FHIT: variants seen among roughly 807,000 people sequenced by gnomAD.
FHIT encodes the protein bis(5'-adenosyl)-triphosphatase.
In FHIT, 19 loss-of-function variants were observed where a neutral mutation model predicts 17.9. That is an observed-to-expected ratio of 1.06 (90% CI 0.74 to 1.56). The LOEUF is 1.56. FHIT is among the 40% of genes most tolerant of loss of function. The pLI, the probability that FHIT is intolerant of heterozygous loss-of-function variation, is 0.00. For missense variants in FHIT, 248 were observed against 189.2 expected (o/e 1.31, Z -1.82); for synonymous variants, 81 against 69.7 (o/e 1.16, Z -0.81).
intron 3 of FHIT, among the ~76,000 whole-genome samples, chr3:60,970,659 T>A (rs747293348): frequency 3.7e-4 from 57 of 152,186 alleles, no homozygotes; most frequent in Admixed American, 5.2e-4. Context: ...TTTCTTGACT[T>A]ATTAGAATCT....
At chr3:60,415,247 C>A (rs2107240321) in intron 5 of FHIT, among the ~76,000 whole-genome samples, 1 of 152,238 alleles carries the variant, frequency 6.6e-6, no homozygotes, top group East Asian at 1.9e-4. Context: ...AAAGTACTCC[C>A]TTTAGTTTTT....
At chr3:60,497,648 T>G (rs1482666824) in intron 5 of FHIT, among the ~76,000 whole-genome samples, 1 of 152,182 alleles carries the variant, frequency 6.6e-6, no homozygotes, top group East Asian at 1.9e-4. Flanking sequence ...GATCACAGGA[T>G]CATTTCATTA....
At chr3:60,879,002 C>A (rs937270038) in intron 3 of FHIT, among the ~76,000 whole-genome samples, 3 of 152,108 alleles carry the variant, frequency 2.0e-5, no homozygotes, top group Non-Finnish European at 2.9e-5. Context: ...TGAGTATATA[C>A]CCAGTAATGG....
Position 61,075,404 on chromosome 3 carries a change from T to C in FHIT, c.-163-33305A>G, listed in dbSNP as rs74344391. Among the ~76,000 whole-genome samples, 92 of 152,210 alleles carry C rather than the reference T, an allele frequency of 6.0e-4. 1 individual carries two copies. In the East Asian group the frequency reaches 0.015, roughly 25 times the overall value. On this transcript the variant is annotated intron_variant, in intron 2 of 9. Coordinates refer to ENST00000492590, the MANE Select transcript of FHIT (RefSeq NM_002012.4). The stretch of plus-strand genomic sequence containing the variant: ...TACTATTTCATGGCATCTACACTTA[T>C]AGGGAATTCACTCAGAAACAGCTTT...
intron 2 of FHIT, among the ~76,000 whole-genome samples, chr3:61,186,486 C>T (rs1232460628): frequency 6.6e-6 from 1 of 152,150 alleles, no homozygotes; most frequent in Non-Finnish European, 1.5e-5. Flanking sequence ...CAGGGAGTTG[C>T]ACGGGTAGCC....
intron 4 of FHIT, among the ~76,000 whole-genome samples, chr3:60,735,946 G>T (rs185566061): frequency 1.3e-5 from 2 of 152,260 alleles, no homozygotes; most frequent in East Asian, 3.9e-4. Flanking sequence ...AATAAATCTT[G>T]TTTCCTCTCA....
intron 8 of FHIT, among the ~76,000 whole-genome samples, chr3:59,864,971 G>A (rs768112628): frequency 3.3e-5 from 5 of 152,060 alleles, no homozygotes; most frequent in Non-Finnish European, 7.4e-5. Context: ...CTCATAATTA[G>A]TTGTATTACT....
At chr3:59,767,326 C>G (rs1304636277) in intron 8 of FHIT, among the ~76,000 whole-genome samples, 1 of 152,146 alleles carries the variant, frequency 6.6e-6, no homozygotes, top group Admixed American at 6.5e-5. Flanking sequence ...TGGTGACACC[C>G]TATCTCTACT....
At chr3:61,232,728 C>G (rs2040136897) in intron 1 of FHIT, among the ~76,000 whole-genome samples, 1 of 152,196 alleles carries the variant, frequency 6.6e-6, no homozygotes, top group South Asian at 2.1e-4. Context: ...ATACAGCTGC[C>G]TGCTCCTATT....
chr3:60,271,055 T>G (rs1298258116), intron 5 of FHIT, among the ~76,000 whole-genome samples: 3 of 152,160 alleles, frequency 2.0e-5, no homozygotes, highest in African/African-American at 7.2e-5. Context: ...AGTGGACTGC[T>G]GCTATTTGGG....
intron 5 of FHIT, among the ~76,000 whole-genome samples, chr3:60,119,657 C>G (rs746653020): frequency 6.6e-6 from 1 of 152,086 alleles, no homozygotes; most frequent in East Asian, 1.9e-4. Context: ...TGCTAGAAAC[C>G]TGGAAATAAA....
chr3:59,949,538 A>T (rs1021741353), intron 7 of FHIT, among the ~76,000 whole-genome samples: 1 of 152,256 alleles, frequency 6.6e-6, no homozygotes, highest in Non-Finnish European at 1.5e-5. Context: ...ATAGATATGT[A>T]TCCTAAGCAT....
At chr3:61,132,247 T>C (rs2036785246) in intron 2 of FHIT, among the ~76,000 whole-genome samples, 2 of 152,222 alleles carry the variant, frequency 1.3e-5, no homozygotes, top group African/African-American at 2.4e-5. Context: ...GCCACCCACA[T>C]GTCTTAGTTG....
At chr3:59,908,009 C>A (rs1016215441) in intron 8 of FHIT, among the ~76,000 whole-genome samples, 1 of 152,192 alleles carries the variant, frequency 6.6e-6, no homozygotes, top group Non-Finnish European at 1.5e-5. Flanking sequence ...TATATTGAGT[C>A]CACTTGGATA....
chr3:60,004,854 G>GA (rs1342078221), intron 7 of FHIT, among the ~76,000 whole-genome samples: 1 of 152,104 alleles, frequency 6.6e-6, no homozygotes, highest in Non-Finnish European at 1.5e-5. Flanking sequence ...AACTAATGGT[G>GA]AACATGTATT....
At chr3:60,557,227 A>C (rs1160081189) in intron 4 of FHIT, among the ~76,000 whole-genome samples, 1 of 152,200 alleles carries the variant, frequency 6.6e-6, no homozygotes, top group Non-Finnish European at 1.5e-5. Context: ...ACACGGAAGC[A>C]AGTGATGGAG....
intron 5 of FHIT, among the ~76,000 whole-genome samples, chr3:60,506,493 T>A (rs2034736153): frequency 6.6e-6 from 1 of 152,212 alleles, no homozygotes; most frequent in African/African-American, 2.4e-5. Flanking sequence ...CTATCTATAG[T>A]AGATGGCACC....
Position 60,466,148 on chromosome 3 carries a change from T to C in FHIT, c.103+70712A>G, listed in dbSNP as rs1212582131. On this transcript the variant is annotated intron_variant, in intron 5 of 9. Transcript: ENST00000492590. The stretch of plus-strand genomic sequence containing the variant: ...CTAGGTAGTTGATTTGTAGTTATTG[T>C]AAATGGAATTACTTTCTTGAATTAT... 2.6e-5 allele frequency among the ~76,000 whole-genome samples: 4 copies of C among 152,094 alleles called. No individual in the cohort carries two copies. In the East Asian group the frequency reaches 7.7e-4, roughly 29 times the overall value.
intron 7 of FHIT, among the ~76,000 whole-genome samples, chr3:59,969,292 C>A (rs1378428416): frequency 6.6e-6 from 1 of 152,066 alleles, no homozygotes; most frequent in Non-Finnish European, 1.5e-5. Flanking sequence ...ACATTCTAAG[C>A]AATTGTTCAG....
Sources: gnomAD v4.1 joint callset for allele counts (sites outside exome capture counted in the v4.1 genomes callset) on GRCh38, gnomAD v4.1.1 for gene constraint, MANE v1.5 for transcripts, NCBI Gene and HGNC (gene_info 2026-07-23, HGNC 2026-07-21) for gene names.